The following STIL variants were observed in gnomAD, a reference collection of about 807,000 sequenced individuals.
STIL encodes SCL-interrupting locus protein.
Under a neutral mutation model 110.1 loss-of-function variants are expected in STIL, and 55 were observed. That is an observed-to-expected ratio of 0.50 (90% CI 0.40 to 0.63). The LOEUF (loss-of-function observed/expected upper bound fraction) is 0.63, where lower values mean the gene tolerates loss of function less well. STIL is among the 20% of genes least tolerant of loss of function. STIL has a pLI of 0.00. For synonymous variants in STIL, 481 were observed against 530.0 expected (o/e 0.91, Z 1.27); for missense variants, 1,358 against 1,530.0 (o/e 0.89, Z 1.87).
intron 16 of STIL, among the ~76,000 whole-genome samples, chr1:47,253,339 C>A (rs11211489): frequency 0.26 from 39,301 of 151,960 alleles, 5,407 homozygotes; most frequent in Non-Finnish European, 0.31. Context: ...TCTACATATT[C>A]AATCAATGCT....
chr1:47,250,865 A>G lies in STIL; in HGVS notation c.*271T>C, dbSNP rs939759342. 5.0e-6 allele frequency: 2 copies of G among 397,910 alleles called. No individual in the cohort carries two copies. The highest frequency in any genetic ancestry group is 8.4e-5 in the Admixed American group (2 of 23,818). 24.6% of individuals were successfully genotyped at this position (397,910 alleles called of 1,614,324 possible). ...AAGAGCAGTTGAGACTTAGAGCTGGATAGTATCTGTCTACTACTTAAACTT... is the reference window on the plus strand; with the variant it reads ...AAGAGCAGTTGAGACTTAGAGCTGGGTAGTATCTGTCTACTACTTAAACTT... On this transcript the variant is annotated 3_prime_UTR_variant, in exon 17 of 17. Coordinates refer to ENST00000371877, the MANE Select transcript of STIL (RefSeq NM_001048166.1).
intron 8 of STIL, among the ~76,000 whole-genome samples, chr1:47,292,917 A>C (rs1445710093): frequency 6.6e-6 from 1 of 152,208 alleles, no homozygotes; most frequent in African/African-American, 2.4e-5. Context: ...TAGATAAAGA[A>C]GGTGAGAGAC....
chr1:47,275,240 T>A lies in STIL; in HGVS notation c.2218-2999A>T, dbSNP rs534935769. On this transcript the variant is annotated intron_variant, in intron 12 of 16. Coordinates refer to ENST00000371877, the MANE Select transcript of STIL (RefSeq NM_001048166.1). ...AATATGTGAGTCCAGTCATCTGATT[T>A]AAAAAAAAAAACTTACTTAAATAAA... 6.0e-3 allele frequency among the ~76,000 whole-genome samples: 882 copies of A among 146,912 alleles called. 8 individuals are homozygous for A. The highest frequency in any genetic ancestry group is 0.021 in the African/African-American group (837 of 40,328).
chr1:47,281,125 A>G lies in STIL; in HGVS notation c.1333T>C (p.Leu445=), dbSNP rs1437914485. ...GGATTTTCATTATTCACCATTTCCA[A>G]TGGAGTAGGCAGAGGGTTTGATTCT... The part of the protein sequence containing the change: ...FIESNPLPTP[L]EMVNNENPPL... The change falls in exon 12 of 17, where the codon TTG becomes CTG. Residue 445 remains leucine, a synonymous_variant. Transcript: ENST00000371877. The G allele has an allele frequency of 7.4e-6, 12 of 1,614,134 alleles. No individual in the cohort carries two copies. Among genetic ancestry groups the G allele is most frequent in the Admixed American group, 3.3e-5 (2 of 60,006 alleles).
Position 47,293,593 on chromosome 1 carries a change from G to A in STIL, c.786-49C>T, listed in dbSNP as rs190253367. The A allele has an allele frequency of 5.0e-5, 71 of 1,424,124 alleles. No homozygotes were observed. In the East Asian group the frequency reaches 1.5e-3, roughly 29 times the overall value. The allele number at this position is 1,424,124 out of a possible 1,614,324, so 88.2% of individuals were successfully genotyped here. A position where few individuals can be genotyped will look rare whatever the true frequency, so the allele number is the denominator to read the frequency against. On this transcript the variant is annotated intron_variant, in intron 7 of 16. Coordinates refer to ENST00000371877, the MANE Select transcript of STIL (RefSeq NM_001048166.1). ...AAAACCATAGTCACTTACATATATA[G>A]CATAATTTACATTCTTCCTAAGATA...
At position 47,308,039 on chromosome 1, in the gene STIL, G is replaced by A. The variant is rs145577450; in HGVS notation, c.44+2237C>T. Reference sequence around the variant, plus strand: ...ATAAGATGTTATCAATGACAGTGGTGCCCAAAACCTCATTAGCAATTTTAA... The same window carrying A: ...ATAAGATGTTATCAATGACAGTGGTACCCAAAACCTCATTAGCAATTTTAA... On this transcript the variant is annotated intron_variant, in intron 2 of 16. Transcript: ENST00000371877. 1.1e-3 allele frequency among the ~76,000 whole-genome samples: 170 copies of A among 152,318 alleles called. 1 individual carries two copies. The highest frequency in any genetic ancestry group is 3.4e-3 in the African/African-American group (143 of 41,574).
chr1:47,273,789 A>G lies in STIL; in HGVS notation c.2218-1548T>C, dbSNP rs148396960. Among the ~76,000 whole-genome samples, 944 of 152,338 alleles carry G rather than the reference A, an allele frequency of 6.2e-3. 10 individuals are homozygous for G. Among genetic ancestry groups the G allele is most frequent in the African/African-American group, 0.021 (872 of 41,568 alleles). On this transcript the variant is annotated intron_variant, in intron 12 of 16. Coordinates refer to ENST00000371877, the MANE Select transcript of STIL (RefSeq NM_001048166.1). The stretch of plus-strand genomic sequence containing the variant: ...TACAAATGGTACTACTGTGCTCAAT[A>G]TAATTTTAGTGGATTAACCTTATTA...
At chr1:47,268,560 G>C (rs576034690) in intron 14 of STIL, among the ~76,000 whole-genome samples, 1 of 152,102 alleles carries the variant, frequency 6.6e-6, no homozygotes, top group African/African-American at 2.4e-5. Flanking sequence ...TTCACGACCA[G>C]CCTGGCCAAC....
intron 10 of STIL, among the ~76,000 whole-genome samples, chr1:47,285,020 C>CTTTTTTTT (rs35801422): frequency 4.5e-5 from 6 of 134,718 alleles, no homozygotes; most frequent in African/African-American, 5.6e-5. Flanking sequence ...CATTTTTTGT[C>CTTTTTTTT]TTTTTTTTTT....
rs1257308623 is a variant in STIL, at chr1:47,252,821, ACACG to A, written c.3081-903_3081-900del. ...CACACACACACACACACACACACAC[ACACG>A]AATACTTTTTTCATTAGTTATAATC... On this transcript the variant is annotated intron_variant, in intron 16 of 16. Transcript: ENST00000371877. 9.4e-5 allele frequency among the ~76,000 whole-genome samples: 14 copies of A among 148,700 alleles called. No individual in the cohort carries two copies. In the East Asian group the frequency reaches 2.0e-3, roughly 21 times the overall value.
chr1:47,283,348 T>C (rs1645203077), intron 10 of STIL: 1 of 152,200 alleles, frequency 6.6e-6, no homozygotes, highest in African/African-American at 2.4e-5. Context: ...GGTATTACAA[T>C]GAAGCAATCA....
Position 47,287,613 on chromosome 1 carries a change from A to C in STIL, c.1071T>G (p.Ala357=). 1.2e-6 allele frequency: 2 copies of C among 1,613,146 alleles called. No homozygotes were observed. The highest frequency in any genetic ancestry group is 1.7e-6 in the Non-Finnish European group (2 of 1,179,482). Residue 357 remains alanine (A), a synonymous_variant, in exon 10 of 17, where the codon GCT becomes GCG. Transcript: ENST00000371877. Reference sequence around the variant, plus strand: ...ACTCTGTTTCTGCATTTTGGCTTTCAGCGCTCAGTTCACAACGGATTGGAT... The same window carrying C: ...ACTCTGTTTCTGCATTTTGGCTTTCCGCGCTCAGTTCACAACGGATTGGAT... The part of the protein sequence containing the change: ...DKNPIRCELS[A]ESQNAETEFF...
intron 3 of STIL, among the ~76,000 whole-genome samples, 172 bp downstream of exon 3, chr1:47,304,717 A>G (rs1318044798): frequency 6.6e-6 from 1 of 152,254 alleles, no homozygotes; most frequent in Non-Finnish European, 1.5e-5. Context: ...ATCTCTCAAA[A>G]GTACAAGGAA....
At chr1:47,307,751 A>G (rs1371266719) in intron 2 of STIL, among the ~76,000 whole-genome samples, 1 of 152,234 alleles carries the variant, frequency 6.6e-6, no homozygotes, top group Non-Finnish European at 1.5e-5. Flanking sequence ...GAACAGAGCC[A>G]TATTTCTCTT....
At chr1:47,279,143 C>T (rs1437290732) in intron 12 of STIL, among the ~76,000 whole-genome samples, 1 of 151,786 alleles carries the variant, frequency 6.6e-6, no homozygotes, top group East Asian at 1.9e-4. Flanking sequence ...TAAAAAAATA[C>T]AAAAAATTAG....
At chr1:47,255,061 G>A (rs1644291893) in intron 16 of STIL, among the ~76,000 whole-genome samples, 1 of 152,022 alleles carries the variant, frequency 6.6e-6, no homozygotes, top group African/African-American at 2.4e-5. Flanking sequence ...GGAGCCTGAG[G>A]CAGGAGGATT....
At position 47,265,368 on chromosome 1, in the gene STIL, G is replaced by C. The variant is rs572844689; in HGVS notation, c.2616-2252C>G. On this transcript the variant is annotated intron_variant, in intron 14 of 16. Transcript: ENST00000371877. The stretch of plus-strand genomic sequence containing the variant: ...AGAATAAATAAAGATCCCATGGTTT[G>C]CTCCTCTTTGTCCTCAGTTTCTATA... Among the ~76,000 whole-genome samples the C allele has an allele frequency of 5.3e-5, 8 of 151,566 alleles. No homozygotes were observed. The Admixed American group carries it at 5.3e-4, about 10-fold the overall frequency.
intron 2 of STIL, among the ~76,000 whole-genome samples, chr1:47,307,302 T>C (rs1168171734): frequency 1.3e-5 from 2 of 152,000 alleles, no homozygotes; most frequent in Admixed American, 6.6e-5. Context: ...AGTGACAGAG[T>C]GAGACTCTGT....
At chr1:47,277,448 C>A (rs1645025258) in intron 12 of STIL, among the ~76,000 whole-genome samples, 1 of 151,910 alleles carries the variant, frequency 6.6e-6, no homozygotes, top group African/African-American at 2.4e-5. Context: ...ACAATCTGAC[C>A]TGGGCTTTAA....
Sources: allele counts gnomAD v4.1 joint callset (sites outside exome capture counted in the v4.1 genomes callset), GRCh38; gene constraint gnomAD v4.1.1; transcripts MANE v1.5; gene names NCBI Gene and HGNC (gene_info 2026-07-23, HGNC 2026-07-21).